PARD3B: variants seen among roughly 807,000 people sequenced by gnomAD.
PARD3B encodes par-3 family cell polarity regulator beta.
A neutral mutation model predicts 130.2 loss-of-function variants in PARD3B; 103 were observed. The ratio of observed to expected loss-of-function variants is 0.79; its 90% confidence interval spans 0.67 to 0.93. The LOEUF is 0.93. PARD3B is among the 40% of genes least tolerant of loss of function. The pLI is 0.00. For missense variants in PARD3B, 1,609 were observed against 1,499.2 expected (o/e 1.07, Z -1.21); for synonymous variants, 583 against 553.2 (o/e 1.05, Z -0.76).
intron 11 of PARD3B, among the ~76,000 whole-genome samples, chr2:205,165,705 G>C (rs10189999): frequency 0.37 from 55,557 of 149,392 alleles, 10,552 homozygotes; most frequent in Middle Eastern, 0.52. Context: ...GCAACAAGAG[G>C]GAGAGACTCT....
chr2:204,823,159 GA>G (rs2043431814), intron 2 of PARD3B, among the ~76,000 whole-genome samples: 1 of 152,100 alleles, frequency 6.6e-6, no homozygotes, highest in Non-Finnish European at 1.5e-5. Context: ...TTAACTGATT[GA>G]TTGTCAACAT....
Position 204,733,181 on chromosome 2 carries a change from A to G in PARD3B, c.222+46899A>G, listed in dbSNP as rs889810699. On this transcript the variant is annotated intron_variant, in intron 2 of 22. Transcript: ENST00000406610. ...GCATCAAAAAAGAATAACGACTGTA[A>G]TAGATTGCAATATATTGAATAAATA... is the stretch of plus-strand genomic sequence containing the variant. Among the ~76,000 whole-genome samples, 4 of 152,312 alleles carry G rather than the reference A, an allele frequency of 2.6e-5. No individual in the cohort carries two copies. The East Asian group carries it at 7.7e-4, about 29-fold the overall frequency.
intron 15 of PARD3B, among the ~76,000 whole-genome samples, chr2:205,242,787 T>A (rs2039406200): frequency 6.6e-6 from 1 of 152,204 alleles, no homozygotes; most frequent in African/African-American, 2.4e-5. Flanking sequence ...CTGTGCAAAG[T>A]GCTTTTGTAC....
At chr2:204,862,546 G>A (rs955953409) in intron 2 of PARD3B, among the ~76,000 whole-genome samples, 8 of 152,162 alleles carry the variant, frequency 5.3e-5, no homozygotes, top group Non-Finnish European at 1.2e-4. Flanking sequence ...TGTAAAACGT[G>A]AGGGTTGATT....
chr2:205,488,518 A>G (rs962898411), intron 20 of PARD3B, among the ~76,000 whole-genome samples: 1 of 152,128 alleles, frequency 6.6e-6, no homozygotes, highest in African/African-American at 2.4e-5. Flanking sequence ...GGAGGATACT[A>G]TATTGGACTC....
At chr2:204,871,260 C>A (rs771772238) in intron 2 of PARD3B, among the ~76,000 whole-genome samples, 126 of 152,182 alleles carry the variant, frequency 8.3e-4, no homozygotes, top group South Asian at 4.1e-4. Flanking sequence ...TTTTAAATAA[C>A]CCCCTTTTGG....
intron 1 of PARD3B, among the ~76,000 whole-genome samples, chr2:204,683,739 T>G (rs2036949496): frequency 6.6e-6 from 1 of 152,176 alleles, no homozygotes. Flanking sequence ...CTTTTCTTCT[T>G]TGGAATGTAT....
intron 21 of PARD3B, among the ~76,000 whole-genome samples, chr2:205,531,028 A>G (rs2051566167): frequency 6.6e-6 from 1 of 152,210 alleles, no homozygotes; most frequent in Non-Finnish European, 1.5e-5. Flanking sequence ...TGGAAAAGCC[A>G]ACAAGAGCCT....
chr2:204,705,653 C>A (rs2038106832), intron 2 of PARD3B, among the ~76,000 whole-genome samples: 1 of 152,064 alleles, frequency 6.6e-6, no homozygotes, highest in Admixed American at 6.6e-5. Flanking sequence ...ATCTGTCAAG[C>A]CACTGACTGA....
intron 2 of PARD3B, among the ~76,000 whole-genome samples, chr2:204,757,553 T>C (rs1471301312): frequency 6.6e-6 from 1 of 152,004 alleles, no homozygotes; most frequent in Non-Finnish European, 1.5e-5. Context: ...CTTGTAGGTC[T>C]TCTTTTGAGA....
At chr2:204,916,645 T>G (rs996612270) in intron 2 of PARD3B, among the ~76,000 whole-genome samples, 1 of 149,498 alleles carries the variant, frequency 6.7e-6, no homozygotes, top group Non-Finnish European at 1.5e-5. Context: ...AAAGATGTAG[T>G]TTTTTTTTAT....
At chr2:205,104,206 G>C (rs567419285) in intron 4 of PARD3B, among the ~76,000 whole-genome samples, 1 of 152,156 alleles carries the variant, frequency 6.6e-6, no homozygotes. Context: ...ATATTGCATT[G>C]TGTAGATGAC....
At chr2:204,656,387 A>G (rs1167235122) in intron 1 of PARD3B, among the ~76,000 whole-genome samples, 3 of 146,336 alleles carry the variant, frequency 2.1e-5, no homozygotes, top group Admixed American at 6.8e-5. Context: ...CAAACAAACA[A>G]ACATGTATGG....
intron 5 of PARD3B, among the ~76,000 whole-genome samples, chr2:205,106,409 A>C (rs1300373749): frequency 1.3e-5 from 2 of 152,086 alleles, no homozygotes; most frequent in Non-Finnish European, 2.9e-5. Context: ...TCAGCCTCCC[A>C]AAGTGCTGGG....
intron 2 of PARD3B, among the ~76,000 whole-genome samples, chr2:204,824,439 G>T (rs554116348): frequency 6.6e-6 from 1 of 152,232 alleles, no homozygotes; most frequent in South Asian, 2.1e-4. Flanking sequence ...TTTAGGAATA[G>T]CTCAGTGGCT....
chr2:204,760,594 T>C (rs530331070), intron 2 of PARD3B, among the ~76,000 whole-genome samples: 2 of 152,240 alleles, frequency 1.3e-5, no homozygotes, highest in East Asian at 1.9e-4. Flanking sequence ...GGGAACCCTT[T>C]ACTTTGAGGC....
intron 10 of PARD3B, among the ~76,000 whole-genome samples, chr2:205,132,982 A>G (rs1204898102): frequency 2.0e-5 from 3 of 152,168 alleles, no homozygotes; most frequent in East Asian, 1.9e-4. Flanking sequence ...TGGGAAACGT[A>G]TTACTAAATG....
At chr2:205,410,322 G>A (rs1335201510) in intron 19 of PARD3B, among the ~76,000 whole-genome samples, 1 of 152,182 alleles carries the variant, frequency 6.6e-6, no homozygotes, top group Non-Finnish European at 1.5e-5. Context: ...CAGAATTTGA[G>A]AAGAGCATTT....
intron 1 of PARD3B, among the ~76,000 whole-genome samples, chr2:204,596,802 C>G (rs2033307976): frequency 6.6e-6 from 1 of 151,950 alleles, no homozygotes; most frequent in African/African-American, 2.4e-5. Context: ...GTGGCACATG[C>G]ATTTACTCAG....
Sources: gnomAD v4.1 joint callset for allele counts (sites outside exome capture counted in the v4.1 genomes callset) on GRCh38, gnomAD v4.1.1 for gene constraint, MANE v1.5 for transcripts, NCBI Gene and HGNC (gene_info 2026-07-23, HGNC 2026-07-21) for gene names.